The following RAB5A variants were observed in gnomAD, a reference collection of about 807,000 sequenced individuals.
RAB5A encodes the protein ras-related protein Rab-5A.
Under a neutral mutation model 25.7 loss-of-function variants are expected in RAB5A, and 8 were observed. That is an observed-to-expected ratio of 0.31 (90% CI 0.18 to 0.56). The LOEUF is 0.56. Among genes scored for constraint, RAB5A ranks in the 20% least tolerant of loss-of-function variants. RAB5A has a pLI of 0.91. For missense variants in RAB5A, 192 were observed against 259.7 expected (o/e 0.74, Z 1.79); for synonymous variants, 98 against 89.8 (o/e 1.09, Z -0.52).
At position 19,951,008 on chromosome 3, in the gene RAB5A, T is replaced by C. The variant is rs772319638; in HGVS notation, c.110T>C (p.Val37Ala). Residue 37 changes from valine (V) to alanine (A), a missense_variant, in exon 2 of 6, where the codon GTG (valine) becomes GCG (alanine). By Grantham distance (64) the Val-to-Ala change is moderately conservative. Transcript: ENST00000273047. ...GESAVGKSSLVLRFVKGQFHE... is the reference protein window; with the variant it reads ...GESAVGKSSLALRFVKGQFHE... The stretch of plus-strand genomic sequence containing the variant: ...TCCGCTGTTGGCAAATCAAGCCTAG[T>C]GCTTCGTTTTGTGAAAGGCCAATTT... 1.2e-6 allele frequency: 2 copies of C among 1,614,084 alleles called. No homozygotes were observed. Among genetic ancestry groups the C allele is most frequent in the East Asian group, 4.5e-5 (2 of 44,880 alleles).
At chr3:19,962,093 G>C (rs1039344433) in intron 2 of RAB5A, among the ~76,000 whole-genome samples, 2 of 152,170 alleles carry the variant, frequency 1.3e-5, no homozygotes, top group African/African-American at 4.8e-5. Context: ...ACCTCAGATG[G>C]GGCTGTTAGC....
At chr3:19,974,162 C>CTT (rs762397081) in intron 2 of RAB5A, among the ~76,000 whole-genome samples, 7 of 141,392 alleles carry the variant, frequency 5.0e-5, no homozygotes, top group Admixed American at 7.1e-5. Flanking sequence ...TATAATGCTA[C>CTT]TTTTTTTTTT....
intron 2 of RAB5A, among the ~76,000 whole-genome samples, chr3:19,969,646 TATAG>T (rs1559490328): frequency 2.6e-5 from 4 of 152,220 alleles, no homozygotes; most frequent in African/African-American, 9.6e-5. Flanking sequence ...TGTAGTCTTA[TATAG>T]AATTTTGGTC....
At chr3:19,967,328 A>G (rs930345860) in intron 2 of RAB5A, among the ~76,000 whole-genome samples, 2 of 152,090 alleles carry the variant, frequency 1.3e-5, no homozygotes, top group Non-Finnish European at 2.9e-5. Context: ...TGTTTTTAAT[A>G]GAGACAGGGT....
intron 4 of RAB5A, among the ~76,000 whole-genome samples, chr3:19,977,173 C>T (rs1396685110): frequency 3.4e-5 from 5 of 147,042 alleles, no homozygotes; most frequent in Admixed American, 6.9e-5. Context: ...CCTGGGCTTA[C>T]GCCATTCTGC....
At chr3:19,961,614 A>G (rs796663127) in intron 2 of RAB5A, among the ~76,000 whole-genome samples, 22 of 152,322 alleles carry the variant, frequency 1.4e-4, no homozygotes, top group African/African-American at 5.1e-4. Context: ...ATCATGTGTC[A>G]CACGCTATAT....
At position 19,984,314 on chromosome 3, in the gene RAB5A, A is replaced by G. The variant is rs762686643; in HGVS notation, c.*491A>G. 2 of 415,110 alleles carry G rather than the reference A, an allele frequency of 4.8e-6. No homozygotes were observed. The highest frequency in any genetic ancestry group is 1.7e-5 in the South Asian group (1 of 57,690). The allele number at this position is 415,110 out of a possible 1,614,324, so 25.7% of individuals were successfully genotyped here. On this transcript the variant is annotated 3_prime_UTR_variant, in exon 6 of 6. Transcript: ENST00000273047. ...CCTGGTACCTGTATTTAAAATGTAC[A>G]TTCCACATTTTAATAAATTAACCAC...
chr3:19,966,581 A>T (rs560887932), intron 2 of RAB5A, among the ~76,000 whole-genome samples: 1 of 152,228 alleles, frequency 6.6e-6, no homozygotes, highest in South Asian at 2.1e-4. Context: ...TCATATGGTG[A>T]TTCTATCTTT....
At chr3:19,979,084 C>T (rs1025802302) in intron 5 of RAB5A, among the ~76,000 whole-genome samples, 1 of 151,950 alleles carries the variant, frequency 6.6e-6, no homozygotes, top group Non-Finnish European at 1.5e-5. Flanking sequence ...TCAAGCGGTT[C>T]TCCTGCTTCT....
At chr3:19,959,452 A>G (rs6774670) in intron 2 of RAB5A, among the ~76,000 whole-genome samples, 4,436 of 151,580 alleles carry the variant, frequency 0.029, 205 homozygotes, top group African/African-American at 0.1. Context: ...ATTTATATAT[A>G]TATATATGTA....
At chr3:19,957,429 G>A (rs1285501311) in intron 2 of RAB5A, among the ~76,000 whole-genome samples, 2 of 151,714 alleles carry the variant, frequency 1.3e-5, no homozygotes, top group African/African-American at 4.8e-5. Flanking sequence ...CACTTTGGGA[G>A]GCCAAAGTGG....
At chr3:19,953,051 CTCTT>C (rs995060490) in intron 2 of RAB5A, among the ~76,000 whole-genome samples, 20 of 149,150 alleles carry the variant, frequency 1.3e-4, no homozygotes, top group South Asian at 1.2e-3. Flanking sequence ...CTTCTCCTCT[CTCTT>C]TATTATTTTA....
intron 2 of RAB5A, among the ~76,000 whole-genome samples, chr3:19,966,687 G>C (rs922687897): frequency 1.3e-5 from 2 of 152,132 alleles, no homozygotes; most frequent in African/African-American, 4.8e-5. Context: ...TTTTTCTCTT[G>C]GTTTGATCAT....
At chr3:19,981,169 A>G (rs1379906708) in intron 5 of RAB5A, among the ~76,000 whole-genome samples, 1 of 152,196 alleles carries the variant, frequency 6.6e-6, no homozygotes, top group Non-Finnish European at 1.5e-5. Flanking sequence ...CAAGGATCTT[A>G]TGTATTAAAA....
rs766063435 is a variant in RAB5A at position 19,978,323 on chromosome 3, A to G, written c.452A>G (p.Tyr151Cys). 6.2e-6 allele frequency: 10 copies of G among 1,609,098 alleles called. No homozygotes were observed. The highest frequency in any genetic ancestry group is 1.3e-5 in the African/African-American group (1 of 74,810). ...TTCTGTAAACAGGAAGCACAGTCCT[A>G]TGCAGATGACAATAGTTTATTATTC... ...RAVDFQEAQS[Y>C]ADDNSLLFME... The change falls in exon 5 of 6, where the codon TAT becomes TGT. Residue 151 changes from tyrosine (Y) to cysteine (C), a missense_variant. Coordinates refer to ENST00000273047, the MANE Select transcript of RAB5A (RefSeq NM_004162.5).
Position 19,951,752 on chromosome 3 carries a change from G to A in RAB5A, c.163+691G>A, listed in dbSNP as rs1696427970. On this transcript the variant is annotated intron_variant, in intron 2 of 5. Transcript: ENST00000273047. Reference sequence around the variant, plus strand: ...AGAGTCTCGCTGTGTTTCCAGGTTGGTCTTGAACTCCTGGCCTCAAGTGAG... The same window carrying A: ...AGAGTCTCGCTGTGTTTCCAGGTTGATCTTGAACTCCTGGCCTCAAGTGAG... Among the ~76,000 whole-genome samples the A allele has an allele frequency of 2.3e-5, 3 of 132,160 alleles. No homozygotes were observed. The Admixed American group carries it at 2.5e-4, about 11-fold the overall frequency. 86.7% of individuals were successfully genotyped at this position (132,160 alleles called of 152,430 possible). A position where few individuals can be genotyped will look rare whatever the true frequency, so the allele number is the denominator to read the frequency against.
At chr3:19,953,493 C>T (rs34955379) in intron 2 of RAB5A, among the ~76,000 whole-genome samples, 30,715 of 150,926 alleles carry the variant, frequency 0.2, 3,794 homozygotes, top group African/African-American at 0.34. Context: ...CTGCAACCTC[C>T]GCTTCCCAGG....
chr3:19,960,458 C>T (rs1696568636), intron 2 of RAB5A, among the ~76,000 whole-genome samples: 1 of 152,104 alleles, frequency 6.6e-6, no homozygotes, highest in Non-Finnish European at 1.5e-5. Context: ...TGTGCCCCTG[C>T]CCCCGGCTAA....
At chr3:19,972,057 A>G (rs1300163179) in intron 2 of RAB5A, among the ~76,000 whole-genome samples, 3 of 152,216 alleles carry the variant, frequency 2.0e-5, no homozygotes, top group Non-Finnish European at 2.9e-5. Context: ...GAAGTCTGAA[A>G]TGCTCCCAAA....
Sources: gnomAD v4.1 joint callset for allele counts (sites outside exome capture counted in the v4.1 genomes callset) on GRCh38, gnomAD v4.1.1 for gene constraint, MANE v1.5 for transcripts, NCBI Gene and HGNC (gene_info 2026-07-23, HGNC 2026-07-21) for gene names.